PC: variants seen among roughly 807,000 people sequenced by gnomAD.
The protein encoded by PC is pyruvate carboxylase, also known as pyruvate carboxylase, mitochondrial.
PC carries 46 observed loss-of-function variants against 107.8 expected under a neutral mutation model. The ratio of observed to expected loss-of-function variants is 0.43; its 90% CI spans 0.34 to 0.55. The LOEUF is 0.55. Ranked by LOEUF, PC falls within the 20% of genes least tolerant of loss-of-function variation. The pLI is 0.04. For missense variants in PC, 1,241 were observed against 1,643.1 expected, an observed-to-expected ratio of 0.76 and a Z score of 4.23; for synonymous variants, 662 against 684.7, an observed-to-expected ratio of 0.97 and a Z score of 0.52.
At chr11:66,932,137 G>A (rs1591298570) in intron 3 of PC, among the ~76,000 whole-genome samples, 1 of 152,222 alleles carries the variant, frequency 6.6e-6, no homozygotes, top group Middle Eastern at 3.4e-3. Context: ...TCCTGGGAGG[G>A]GACTGGGTTA....
intron 3 of PC, among the ~76,000 whole-genome samples, chr11:66,901,576 T>C (rs1017724418): frequency 1.3e-5 from 2 of 152,200 alleles, no homozygotes; most frequent in Non-Finnish European, 2.9e-5. Context: ...GTTTAACCAA[T>C]TCTTCTGCTT....
chr11:66,905,350 G>A (rs549446683), intron 3 of PC, among the ~76,000 whole-genome samples: 34 of 152,280 alleles, frequency 2.2e-4, no homozygotes, highest in Non-Finnish European at 4.3e-4. Context: ...GGGGTGAGAG[G>A]GAGAAACAGG....
chr11:66,950,925 G>A (rs1949420264), intron 3 of PC, among the ~76,000 whole-genome samples: 1 of 152,008 alleles, frequency 6.6e-6, no homozygotes, highest in Non-Finnish European at 1.5e-5. Flanking sequence ...AGAATAAGAG[G>A]ACAGAGCAAG....
intron 3 of PC, among the ~76,000 whole-genome samples, chr11:66,883,192 T>G (rs1017399736): frequency 6.6e-6 from 1 of 152,120 alleles, no homozygotes; most frequent in South Asian, 2.1e-4. Context: ...CCGAGGCGAC[T>G]GGCGCCATGG....
rs760755446 is a variant in PC at position 66,848,852 on chromosome 11, T to C, written c.*47A>G. On this transcript the variant is annotated 3_prime_UTR_variant, in exon 23 of 23. Transcript: ENST00000393960. ...CCTGGGCCTGCCGTGGCAGCACAGC[T>C]TCTGTTGAAGGCTTGGGGATGGCCA... 1.9e-6 allele frequency: 3 copies of C among 1,612,394 alleles called. No homozygotes were observed. Among genetic ancestry groups the C allele is most frequent in the Non-Finnish European group, 2.5e-6 (3 of 1,179,830 alleles).
rs768062036 is a variant in PC at position 66,866,370 on chromosome 11, G to A, written c.1023-21C>T. 7.5e-5 allele frequency: 120 copies of A among 1,596,178 alleles called. No individual in the cohort carries two copies. The highest frequency in any genetic ancestry group is 1.7e-4 in the Middle Eastern group (1 of 5,774). On this transcript the variant is annotated intron_variant, in intron 10 of 22. Coordinates refer to ENST00000393960, the MANE Select transcript of PC (RefSeq NM_001040716.2). The surrounding 1 kb of genome is among the most constrained non-coding windows in gnomAD (Gnocchi z 5.4). Reference sequence around the variant, plus strand: ...CTACGCTGTAGGGCATTGGGGGGAGGGGGGAAAGGACGGGAGAAAGGGGGA... The same window carrying A: ...CTACGCTGTAGGGCATTGGGGGGAGAGGGGAAAGGACGGGAGAAAGGGGGA...
At position 66,851,021 on chromosome 11, in the gene PC, G is replaced by A. The variant is rs45457699; in HGVS notation, c.2223+19C>T. The stretch of plus-strand genomic sequence containing the variant: ...ATGGCCGGGGCAGAGAGGGAGGGAC[G>A]GACAAGTGGCCCAGGCACCTTGATG... On this transcript the variant is annotated intron_variant, in intron 17 of 22. Transcript: ENST00000393960. The A allele has an allele frequency of 2.9e-4, 475 of 1,611,800 alleles. No homozygotes were observed. The African/African-American group carries it at 5.3e-3, about 18-fold the overall frequency.
intron 12 of PC, among the ~76,000 whole-genome samples, chr11:66,854,155 C>T (rs369436782): frequency 5.3e-5 from 8 of 152,252 alleles, no homozygotes; most frequent in South Asian, 2.1e-4. Flanking sequence ...GATTCGACCA[C>T]GGCCATTTTG....
chr11:66,857,700 C>G lies in PC; in HGVS notation c.1369-4317G>C. On this transcript the variant is annotated intron_variant, in intron 12 of 22. Coordinates refer to ENST00000393960, the MANE Select transcript of PC (RefSeq NM_001040716.2). This position sits in a 1 kb window ranked among gnomAD's most constrained non-coding sequence, Gnocchi z 7.1. ...GGCCCAAGTGGGCACCTGCGCCAGC[C>G]CCACCTGTGCCTGGGCTGTGGCCCC... 4.5e-6 allele frequency: 7 copies of G among 1,550,700 alleles called. No individual in the cohort carries two copies. Among genetic ancestry groups the G allele is most frequent in the Non-Finnish European group, 6.1e-6 (7 of 1,153,666 alleles).
At chr11:66,877,405 A>C (rs560637098) in intron 3 of PC, among the ~76,000 whole-genome samples, 35 of 151,862 alleles carry the variant, frequency 2.3e-4, no homozygotes, top group Non-Finnish European at 4.9e-4. Context: ...ACAAAACAAA[A>C]AAAGCCGGGC....
At chr11:66,873,436 T>C (rs1231334198) in intron 3 of PC, among the ~76,000 whole-genome samples, 3 of 85,478 alleles carry the variant, frequency 3.5e-5, no homozygotes, top group Admixed American at 2.0e-4. Flanking sequence ...ATATATATTA[T>C]ATATTATATT....
intron 3 of PC, among the ~76,000 whole-genome samples, chr11:66,943,512 G>A (rs1310953208): frequency 4.0e-5 from 6 of 151,746 alleles, no homozygotes; most frequent in Admixed American, 6.6e-5. Context: ...GCCGAGGCCC[G>A]GATCATGAGG....
chr11:66,913,464 C>T (rs1948389216), intron 3 of PC, among the ~76,000 whole-genome samples: 1 of 151,748 alleles, frequency 6.6e-6, no homozygotes, highest in South Asian at 2.1e-4. Flanking sequence ...GTGGGCGGAA[C>T]ACAAGGTCAG....
chr11:66,887,780 AG>A (rs1947426441), intron 3 of PC, among the ~76,000 whole-genome samples: 1 of 152,242 alleles, frequency 6.6e-6, no homozygotes, highest in Non-Finnish European at 1.5e-5. Flanking sequence ...CCCACTCAGA[AG>A]AAAGATCAGT....
intron 3 of PC, among the ~76,000 whole-genome samples, chr11:66,928,908 T>A (rs1260634970): frequency 6.6e-6 from 1 of 152,146 alleles, no homozygotes; most frequent in East Asian, 1.9e-4. Context: ...TACATGAAAG[T>A]GGGAATCTGC....
chr11:66,923,616 T>C (rs1186746357), intron 3 of PC, among the ~76,000 whole-genome samples: 1 of 151,702 alleles, frequency 6.6e-6, no homozygotes, highest in Non-Finnish European at 1.5e-5. Context: ...CAGATGCAAG[T>C]GATTCTCCCG....
At chr11:66,910,425 A>G (rs1189625593) in intron 3 of PC, among the ~76,000 whole-genome samples, 1 of 152,154 alleles carries the variant, frequency 6.6e-6, no homozygotes, top group Non-Finnish European at 1.5e-5. Context: ...CCACACATAC[A>G]TTGATGTCGT....
chr11:66,878,915 G>C lies in PC; in HGVS notation c.1-6756C>G, dbSNP rs575587333. Among the ~76,000 whole-genome samples, 356 of 152,324 alleles carry C rather than the reference G, an allele frequency of 2.3e-3. 2 individuals are homozygous for C. Among genetic ancestry groups the C allele is most frequent in the African/African-American group, 8.2e-3 (343 of 41,578 alleles). On this transcript the variant is annotated intron_variant, in intron 3 of 22. Transcript: ENST00000393960. ...TGGCCGGGGGCTGCCCCAGCTCCAT[G>C]GTTTGGGCACCTCTGAGGCCCCAGC...
chr11:66,897,998 A>C (rs1947816267), intron 3 of PC, among the ~76,000 whole-genome samples: 2 of 152,214 alleles, frequency 1.3e-5, no homozygotes, highest in African/African-American at 4.8e-5. Context: ...TAGCAAACTC[A>C]AGAATAATTA....
Sources: gnomAD v4.1 joint callset for allele counts (sites outside exome capture counted in the v4.1 genomes callset) on GRCh38, gnomAD v4.1.1 for gene constraint, Gnocchi (gnomAD v3.1) non-coding constraint, MANE v1.5 for transcripts, NCBI Gene and HGNC (gene_info 2026-07-23, HGNC 2026-07-21) for gene names.